The following FYB1 variants were observed in gnomAD, a reference collection of about 807,000 sequenced individuals.
The protein encoded by FYB1 is FYN binding protein 1.
A neutral mutation model predicts 94.1 loss-of-function variants in FYB1; 41 were observed. The ratio of observed to expected loss-of-function variants is 0.44; its 90% CI spans 0.34 to 0.57. The LOEUF (loss-of-function observed/expected upper bound fraction) is 0.57, where lower values mean the gene tolerates loss of function less well. Ranked by LOEUF, FYB1 falls within the 20% of genes least tolerant of loss-of-function variation. FYB1 has a pLI of 0.02. For missense variants in FYB1, 1,050 were observed against 976.8 expected (o/e 1.07, Z -1.00); for synonymous variants, 367 against 353.2 (o/e 1.04, Z -0.44).
chr5:39,155,421 G>T (rs915702889), intron 2 of FYB1, among the ~76,000 whole-genome samples: 2 of 152,154 alleles, frequency 1.3e-5, no homozygotes, highest in Non-Finnish European at 2.9e-5. Flanking sequence ...GAGGTAGACA[G>T]AATTAGTTCC....
chr5:39,138,939 C>T, intron 5 of FYB1: 1 of 553,152 alleles, frequency 1.8e-6, no homozygotes. Context: ...TTTTTTTTCT[C>T]CTTAGAAATA....
rs910560840 is a variant in FYB1 at position 39,105,771 on chromosome 5, G to C, written c.*1672C>G. On this transcript the variant is annotated 3_prime_UTR_variant, in exon 19 of 19. Coordinates refer to ENST00000512982, the MANE Select transcript of FYB1 (RefSeq NM_001465.6). ...AGTGTGAAAAGAAATTAATCACATG[G>C]TCATATACTGGCTAGTGCTCTCTAA... The C allele has an allele frequency of 6.6e-6, 1 of 152,014 alleles. No homozygotes were observed. The highest frequency in any genetic ancestry group is 2.4e-5 in the African/African-American group (1 of 41,382). The allele number at this position is 152,014 out of a possible 1,614,324, so 9.4% of individuals were successfully genotyped here. A position where few individuals can be genotyped will look rare whatever the true frequency, so the allele number is the denominator to read the frequency against.
chr5:39,273,931 T>A (rs947502514), intron 1 of FYB1, among the ~76,000 whole-genome samples: 3 of 152,122 alleles, frequency 2.0e-5, no homozygotes, highest in Non-Finnish European at 4.4e-5. Context: ...TATGCTTTTT[T>A]TTTTTCTTTT....
chr5:39,266,133 G>T (rs556981087), intron 1 of FYB1, among the ~76,000 whole-genome samples: 3 of 152,118 alleles, frequency 2.0e-5, no homozygotes, highest in Non-Finnish European at 2.9e-5. Context: ...TTATTCTATT[G>T]TTTTCATTTT....
intron 6 of FYB1, chr5:39,138,042 A>G (rs1741818156): frequency 3.0e-6 from 1 of 328,018 alleles, no homozygotes. Flanking sequence ...TTTCATATGC[A>G]CACGTGCCTG....
chr5:39,167,510 T>C (rs1744847177), intron 2 of FYB1, among the ~76,000 whole-genome samples: 1 of 152,214 alleles, frequency 6.6e-6, no homozygotes, highest in East Asian at 1.9e-4. Context: ...ATTAAAAACC[T>C]AAATTGCTCT....
intron 1 of FYB1, among the ~76,000 whole-genome samples, chr5:39,229,898 A>G (rs570082773): frequency 1.3e-5 from 2 of 152,314 alleles, no homozygotes; most frequent in East Asian, 3.9e-4. Context: ...GCTGACAGCC[A>G]GGCCCGTGTG....
chr5:39,209,143 A>G (rs1749127291), intron 1 of FYB1, among the ~76,000 whole-genome samples: 1 of 152,082 alleles, frequency 6.6e-6, no homozygotes, highest in African/African-American at 2.4e-5. Flanking sequence ...CTGAAAATAA[A>G]CTTTCATAAA....
intron 2 of FYB1, among the ~76,000 whole-genome samples, chr5:39,179,323 TG>T (rs1467172860): frequency 6.6e-6 from 1 of 151,960 alleles, no homozygotes; most frequent in Non-Finnish European, 1.5e-5. Context: ...GACATGGCAG[TG>T]GAACAGCAGG....
intron 2 of FYB1, among the ~76,000 whole-genome samples, chr5:39,198,108 A>G (rs978953233): frequency 6.6e-6 from 1 of 152,224 alleles, no homozygotes; most frequent in Non-Finnish European, 1.5e-5. Context: ...ATACTATTAT[A>G]TGTCAAATTC....
rs115899721 is a variant in FYB1 at position 39,173,606 on chromosome 5, G to C, written c.1136-20002C>G. On this transcript the variant is annotated intron_variant, in intron 2 of 18. Transcript: ENST00000512982. ...ATATTTAAATCTTTAACCCACTTGAGTTAATTTTTGTATATGCTGAGAGGC... is the reference window on the plus strand; with the variant it reads ...ATATTTAAATCTTTAACCCACTTGACTTAATTTTTGTATATGCTGAGAGGC... Among the ~76,000 whole-genome samples, 370 of 152,192 alleles carry C rather than the reference G, an allele frequency of 2.4e-3. 1 individual carries two copies. The highest frequency in any genetic ancestry group is 3.3e-3 in the South Asian group (16 of 4,822).
At chr5:39,165,023 G>A (rs951852063) in intron 2 of FYB1, among the ~76,000 whole-genome samples, 2 of 152,200 alleles carry the variant, frequency 1.3e-5, no homozygotes, top group Non-Finnish European at 2.9e-5. Context: ...CAGTAAACCT[G>A]TAAGAAGCAC....
intron 7 of FYB1, 82 bp downstream of exon 7, chr5:39,137,518 A>T: frequency 3.5e-6 from 5 of 1,447,578 alleles, no homozygotes; most frequent in Non-Finnish European, 4.6e-6. Flanking sequence ...TCAACTATGT[A>T]AGTTTTCAAG....
intron 1 of FYB1, among the ~76,000 whole-genome samples, chr5:39,231,167 AAAAACAAAAAAAAC>A (rs1561294106): frequency 7.0e-6 from 1 of 142,632 alleles, no homozygotes; most frequent in African/African-American, 2.9e-5. Flanking sequence ...AAAAACAAAA[AAAAACAAAAAAAAC>A]AAAACAGCTG....
intron 10 of FYB1, among the ~76,000 whole-genome samples, chr5:39,129,435 CAACAAA>C (rs138679547): frequency 0.036 from 5,442 of 151,946 alleles, 141 homozygotes; most frequent in Non-Finnish European, 0.054. Flanking sequence ...AAAGCACAGG[CAACAAA>C]AACAAAAATA....
At chr5:39,227,782 A>T (rs1283931665) in intron 1 of FYB1, among the ~76,000 whole-genome samples, 1 of 152,116 alleles carries the variant, frequency 6.6e-6, no homozygotes, top group Non-Finnish European at 1.5e-5. Context: ...ATGGAAGAAA[A>T]AATTTCAACT....
At chr5:39,236,164 G>GT (rs1014409641) in intron 1 of FYB1, among the ~76,000 whole-genome samples, 36 of 151,416 alleles carry the variant, frequency 2.4e-4, no homozygotes, top group African/African-American at 8.7e-4. Context: ...AGGCTCAAAC[G>GT]TGGGTTAATG....
chr5:39,269,296 G>C (rs925224630), intron 1 of FYB1, among the ~76,000 whole-genome samples: 4 of 152,222 alleles, frequency 2.6e-5, no homozygotes, highest in Admixed American at 6.5e-5. Context: ...TGATCCGCCT[G>C]CCTCGGCCTC....
intron 2 of FYB1, among the ~76,000 whole-genome samples, chr5:39,187,122 C>A (rs1015609615): frequency 6.6e-6 from 1 of 152,144 alleles, no homozygotes; most frequent in African/African-American, 2.4e-5. Context: ...GTGCTCATTG[C>A]GCTTTTTGCA....
Sources: gnomAD v4.1 joint callset for allele counts (sites outside exome capture counted in the v4.1 genomes callset) on GRCh38, gnomAD v4.1.1 for gene constraint, MANE v1.5 for transcripts, NCBI Gene and HGNC (gene_info 2026-07-23, HGNC 2026-07-21) for gene names.